The following WDR7 variants were observed in gnomAD, a reference collection of about 807,000 sequenced individuals.
WDR7 encodes WD repeat domain 7.
WDR7 carries 46 observed loss-of-function variants against 169.4 expected under a neutral mutation model. That is an observed-to-expected ratio of 0.27 (90% CI 0.21 to 0.35). The LOEUF is 0.35. Among genes scored for constraint, WDR7 ranks in the 10% least tolerant of loss-of-function variants. The pLI is 1.00. For missense variants in WDR7, 1,534 were observed against 1,859.3 expected (o/e 0.83, Z 3.22); for synonymous variants, 612 against 666.8 (o/e 0.92, Z 1.27).
chr18:56,788,336 C>T (rs1366717045), intron 19 of WDR7, among the ~76,000 whole-genome samples: 2 of 151,796 alleles, frequency 1.3e-5, no homozygotes, highest in Non-Finnish European at 2.9e-5. Flanking sequence ...ACTAATTTTC[C>T]TTCCTCCTCT....
intron 9 of WDR7, among the ~76,000 whole-genome samples, chr18:56,693,659 C>T (rs1007572278): frequency 4.8e-5 from 6 of 125,788 alleles, no homozygotes; most frequent in Non-Finnish European, 6.3e-5. Flanking sequence ...GCAACCTTTG[C>T]TTCCTGGGTT....
At chr18:56,700,205 G>A (rs1042446310) in intron 12 of WDR7, among the ~76,000 whole-genome samples, 12 of 149,800 alleles carry the variant, frequency 8.0e-5, no homozygotes, top group Non-Finnish European at 1.6e-4. Flanking sequence ...TTGTGTTAAA[G>A]GATTTTGGTT....
At chr18:56,925,182 A>G (rs977189292) in intron 22 of WDR7, among the ~76,000 whole-genome samples, 2 of 152,196 alleles carry the variant, frequency 1.3e-5, no homozygotes, top group African/African-American at 2.4e-5. Flanking sequence ...TTACCTGTTG[A>G]TGGACATTTG....
intron 20 of WDR7, among the ~76,000 whole-genome samples, chr18:56,874,872 A>T (rs185822951): frequency 4.9e-4 from 74 of 151,282 alleles, no homozygotes; most frequent in African/African-American, 1.7e-3. Context: ...ACATTTTAGG[A>T]ATCCAAGTAA....
At chr18:56,699,514 A>C (rs984118362) in intron 12 of WDR7, among the ~76,000 whole-genome samples, 1 of 152,226 alleles carries the variant, frequency 6.6e-6, no homozygotes, top group Admixed American at 6.5e-5. Context: ...AATGCTGAAG[A>C]GTTTGTCATC....
intron 21 of WDR7, among the ~76,000 whole-genome samples, chr18:56,896,695 T>C (rs2046336719): frequency 6.6e-6 from 1 of 151,850 alleles, no homozygotes; most frequent in African/African-American, 2.4e-5. Flanking sequence ...ATCAATTCCA[T>C]GTGGATTTAC....
intron 25 of WDR7, among the ~76,000 whole-genome samples, chr18:56,959,017 A>G (rs7238976): frequency 0.061 from 9,223 of 152,232 alleles, 856 homozygotes; most frequent in African/African-American, 0.2. Flanking sequence ...CATAATAAAG[A>G]AAAAGTAGGA....
intron 27 of WDR7, among the ~76,000 whole-genome samples, chr18:57,022,419 A>T (rs1427298359): frequency 6.6e-6 from 1 of 152,166 alleles, no homozygotes; most frequent in Non-Finnish European, 1.5e-5. Context: ...AGACACAGAG[A>T]TCAGTAAGTC....
At chr18:56,808,778 C>T (rs1292476563) in intron 19 of WDR7, among the ~76,000 whole-genome samples, 2 of 152,100 alleles carry the variant, frequency 1.3e-5, no homozygotes, top group East Asian at 3.9e-4. Flanking sequence ...CCCAATTTTA[C>T]TGGTGGGGCT....
chr18:56,842,326 G>A (rs146516786), intron 20 of WDR7, among the ~76,000 whole-genome samples: 1 of 151,358 alleles, frequency 6.6e-6, no homozygotes, highest in Non-Finnish European at 1.5e-5. Flanking sequence ...GTGCATGTAA[G>A]GGTCGGGGGA....
intron 26 of WDR7, among the ~76,000 whole-genome samples, chr18:56,962,858 T>C (rs1224189797): frequency 6.6e-6 from 1 of 152,150 alleles, no homozygotes; most frequent in African/African-American, 2.4e-5. Context: ...TTTGATGATA[T>C]GTTATTATGA....
intron 17 of WDR7, among the ~76,000 whole-genome samples, chr18:56,777,518 C>T (rs2044258764): frequency 2.0e-5 from 3 of 152,084 alleles, no homozygotes; most frequent in Admixed American, 2.0e-4. Flanking sequence ...GGAATGGGAC[C>T]TACAAACCTT....
rs1232520122 is a variant in WDR7 at position 56,939,463 on chromosome 18, A to T, written c.4064+70A>T. The T allele has an allele frequency of 2.5e-6, 3 of 1,189,082 alleles. No homozygotes were observed. In the African/African-American group the frequency reaches 4.7e-5, roughly 18 times the overall value. 73.7% of individuals were successfully genotyped at this position (1,189,082 alleles called of 1,614,324 possible). The stretch of plus-strand genomic sequence containing the variant: ...ACAAATAATTTTAAAAATTTTTGGC[A>T]TGGTGTTAGTAGTCTTGGTCAATTA... On this transcript the variant is annotated intron_variant, in intron 25 of 27. Transcript: ENST00000254442.
intron 16 of WDR7, among the ~76,000 whole-genome samples, chr18:56,771,299 G>A (rs7239063): frequency 0.59 from 89,367 of 152,000 alleles, 26,619 homozygotes; most frequent in African/African-American, 0.64. Context: ...TTCTTGTAAC[G>A]TTTGGACTAA....
At chr18:56,820,420 A>G (rs575204853) in intron 20 of WDR7, among the ~76,000 whole-genome samples, 3 of 149,658 alleles carry the variant, frequency 2.0e-5, no homozygotes, top group African/African-American at 4.9e-5. Flanking sequence ...AAAAGCAGCA[A>G]TGATACGTGG....
intron 16 of WDR7, among the ~76,000 whole-genome samples, chr18:56,770,813 AG>A (rs2044143177): frequency 6.6e-6 from 1 of 151,586 alleles, no homozygotes; most frequent in African/African-American, 2.4e-5. Flanking sequence ...TTTTTCCCTA[AG>A]AATCTTTGGA....
chr18:56,861,523 C>T (rs765809675), intron 20 of WDR7, among the ~76,000 whole-genome samples: 1 of 152,184 alleles, frequency 6.6e-6, no homozygotes, highest in Non-Finnish European at 1.5e-5. Context: ...CAGGTTAACT[C>T]TCTCTGGAGT....
chr18:56,763,387 TA>T (rs201679429), intron 16 of WDR7, among the ~76,000 whole-genome samples: 1,968 of 152,330 alleles, frequency 0.013, 21 homozygotes, highest in East Asian at 0.033. Flanking sequence ...TTTTGTCTTT[TA>T]TTTTCTTAAT....
At chr18:56,797,722 G>A (rs552648689) in intron 19 of WDR7, among the ~76,000 whole-genome samples, 1 of 151,860 alleles carries the variant, frequency 6.6e-6, no homozygotes, top group African/African-American at 2.4e-5. Flanking sequence ...CCCATCTTGT[G>A]GATTTATCAG....
Sources: gnomAD v4.1 joint callset for allele counts (sites outside exome capture counted in the v4.1 genomes callset) on GRCh38, gnomAD v4.1.1 for gene constraint, MANE v1.5 for transcripts, NCBI Gene and HGNC (gene_info 2026-07-23, HGNC 2026-07-21) for gene names.